Variants in NCAM1 observed in about 807,000 individuals in gnomAD.
NCAM1 encodes neural cell adhesion molecule 1, also known as antigen recognized by monoclonal antibody 5.1H11.
In NCAM1, 14 loss-of-function variants were observed where a neutral mutation model predicts 109.8. The observed-to-expected ratio is 0.13, with a 90% CI of 0.08 to 0.20. NCAM1 has a LOEUF of 0.20. Ranked by LOEUF, NCAM1 falls within the 10% of genes least tolerant of loss-of-function variation. The probability of loss-of-function intolerance (pLI) is 1.00; values close to 1 mark genes in which losing one functional copy is unlikely to be tolerated. For missense variants in NCAM1, 774 were observed against 1,109.9 expected (o/e 0.70, Z 4.30); for synonymous variants, 418 against 442.9 (o/e 0.94, Z 0.70).
rs782187586 is a variant in NCAM1, at chr11:113,271,802, G to A, written c.2382G>A (p.Glu794=). The A allele has an allele frequency of 6.4e-6, 10 of 1,569,008 alleles. No homozygotes were observed. In the East Asian group the frequency reaches 1.9e-4, roughly 30 times the overall value. Reference sequence around the variant, plus strand: ...AGCCCATCGTGGAGGTTCGAACGGAGGAGGAGAGGACCCCAAACCATGATG... The same window carrying A: ...AGCCCATCGTGGAGGTTCGAACGGAAGAGGAGAGGACCCCAAACCATGATG... ...SKEPIVEVRT[E]EERTPNHDGG... The change falls in exon 19 of 20, where the codon GAG becomes GAA. Residue 794 remains glutamate, a synonymous_variant. Transcript: ENST00000316851.
chr11:113,029,517 G>T (rs782715254), intron 1 of NCAM1, among the ~76,000 whole-genome samples: 1 of 152,138 alleles, frequency 6.6e-6, no homozygotes, highest in African/African-American at 2.4e-5. Flanking sequence ...ATTTTAGAAC[G>T]CAGTGGGGTT....
At chr11:113,029,797 G>A (rs782618911) in intron 1 of NCAM1, among the ~76,000 whole-genome samples, 29 of 152,092 alleles carry the variant, frequency 1.9e-4, no homozygotes, top group Admixed American at 4.6e-4. Flanking sequence ...AAATAATACT[G>A]TGATTAAAAA....
At chr11:113,001,867 G>T (rs971031034) in intron 1 of NCAM1, among the ~76,000 whole-genome samples, 14 of 152,232 alleles carry the variant, frequency 9.2e-5, no homozygotes, top group Non-Finnish European at 1.5e-4. Flanking sequence ...GTGGATAGAT[G>T]ATGTCATCAG....
At chr11:112,987,796 A>G (rs1951346506) in intron 1 of NCAM1, among the ~76,000 whole-genome samples, 1 of 152,038 alleles carries the variant, frequency 6.6e-6, no homozygotes, top group Non-Finnish European at 1.5e-5. Context: ...TTCTGAAGTG[A>G]GTCTCTTATA....
chr11:113,149,566 T>A (rs998874859), intron 1 of NCAM1, among the ~76,000 whole-genome samples: 2 of 151,840 alleles, frequency 1.3e-5, no homozygotes, highest in African/African-American at 4.8e-5. Flanking sequence ...GTGCCAGTGA[T>A]GAGAAGTCCT....
intron 1 of NCAM1, among the ~76,000 whole-genome samples, chr11:113,185,084 A>ATATATAT (rs1565485449): frequency 2.3e-5 from 3 of 130,396 alleles, no homozygotes; most frequent in African/African-American, 8.4e-5. Context: ...ATATATAGAG[A>ATATATAT]GAGAGAGAGA....
Position 113,136,191 on chromosome 11 carries a change from TG to T in NCAM1, c.53-66185del, listed in dbSNP as rs533246532. 2.3e-4 allele frequency among the ~76,000 whole-genome samples: 35 copies of T among 152,276 alleles called. No homozygotes were observed. In the South Asian group the frequency reaches 5.4e-3, roughly 23 times the overall value. On this transcript the variant is annotated intron_variant, in intron 1 of 19. Transcript: ENST00000316851. ...TAATACATAGCATGAGTGGCAAGAATGGGACTGCTGAGAAAGGAGACAGTTT... is the reference window on the plus strand; with the variant it reads ...TAATACATAGCATGAGTGGCAAGAATGGACTGCTGAGAAAGGAGACAGTTT...
chr11:112,992,305 C>A (rs781864949), intron 1 of NCAM1, among the ~76,000 whole-genome samples: 8 of 152,082 alleles, frequency 5.3e-5, no homozygotes, highest in Non-Finnish European at 1.2e-4. Flanking sequence ...GAAGAAGAAA[C>A]CACTTTTACA....
intron 17 of NCAM1, among the ~76,000 whole-genome samples, chr11:113,265,826 T>C (rs1946124761): frequency 6.6e-6 from 1 of 152,156 alleles, no homozygotes; most frequent in Non-Finnish European, 1.5e-5. Flanking sequence ...GCACAAGGAC[T>C]CAGGCCCATC....
intron 1 of NCAM1, among the ~76,000 whole-genome samples, chr11:113,135,099 G>T (rs1043357844): frequency 6.6e-6 from 1 of 152,146 alleles, no homozygotes; most frequent in Non-Finnish European, 1.5e-5. Flanking sequence ...AACTGTGTGA[G>T]AATAGTGGAA....
At chr11:113,237,911 T>TAG (rs1185006408) in intron 14 of NCAM1, among the ~76,000 whole-genome samples, 2 of 63,324 alleles carry the variant, frequency 3.2e-5, no homozygotes, top group Non-Finnish European at 7.8e-5. Flanking sequence ...TATAGATATA[T>TAG]ATAGATATAT....
intron 1 of NCAM1, among the ~76,000 whole-genome samples, chr11:113,186,712 C>T (rs17596017): frequency 0.031 from 4,791 of 152,268 alleles, 118 homozygotes; most frequent in Middle Eastern, 0.088. Context: ...TACAAAGGGT[C>T]GCCCTCTATT....
At chr11:113,231,201 T>C in intron 9 of NCAM1, 2 of 1,536,154 alleles carry the variant, frequency 1.3e-6, no homozygotes, top group African/African-American at 1.4e-5. Flanking sequence ...CACAGGTACA[T>C]GCACCATGGA....
At chr11:113,066,524 G>A (rs999924108) in intron 1 of NCAM1, among the ~76,000 whole-genome samples, 22 of 152,106 alleles carry the variant, frequency 1.4e-4, no homozygotes, top group Admixed American at 1.4e-3. Context: ...TCAATTCCTG[G>A]TTTCTGTGCT....
intron 1 of NCAM1, among the ~76,000 whole-genome samples, chr11:113,109,730 G>A (rs1940356411): frequency 6.6e-6 from 1 of 152,182 alleles, no homozygotes; most frequent in Non-Finnish European, 1.5e-5. Context: ...GGAAGAACTT[G>A]ATGAAAAAGT....
At chr11:113,262,575 T>C (rs554085791) in intron 17 of NCAM1, among the ~76,000 whole-genome samples, 3 of 152,366 alleles carry the variant, frequency 2.0e-5, no homozygotes, top group African/African-American at 7.2e-5. Flanking sequence ...GTATTGATAC[T>C]GCACTGAACC....
In NCAM1 at chr11:113,240,922, T is replaced by A. The variant is rs541705807; in HGVS notation, c.1826-5446T>A. On this transcript the variant is annotated intron_variant, in intron 14 of 19. Coordinates refer to ENST00000316851, the MANE Select transcript of NCAM1 (RefSeq NM_181351.5). ...GCCTAATGTTATCTCCTTCACCAGG[T>A]GATAATTCAACTCAGTTGGTGGAAA... 2.3e-6 allele frequency: 3 copies of A among 1,319,522 alleles called. No individual in the cohort carries two copies. In the African/African-American group the frequency reaches 4.3e-5, roughly 19 times the overall value. 81.7% of individuals were successfully genotyped at this position (1,319,522 alleles called of 1,614,324 possible). A position where few individuals can be genotyped will look rare whatever the true frequency, so the allele number is the denominator to read the frequency against.
Position 113,082,643 on chromosome 11 carries a change from A to G in NCAM1, c.53-119736A>G, listed in dbSNP as rs141265969. Among the ~76,000 whole-genome samples the G allele has an allele frequency of 1.1e-4, 16 of 152,368 alleles. No individual in the cohort carries two copies. In the East Asian group the frequency reaches 2.9e-3, roughly 28 times the overall value. The stretch of plus-strand genomic sequence containing the variant: ...AATAAGCAATTCAATGAAACCTTTT[A>G]TAAAAACAACAAAGGCAAGAAGGGT... On this transcript the variant is annotated intron_variant, in intron 1 of 19. Transcript: ENST00000316851.
In NCAM1 at chr11:113,033,187, A is replaced by C. The variant is rs144035414; in HGVS notation, c.52+71523A>C. On this transcript the variant is annotated intron_variant, in intron 1 of 19. Coordinates refer to ENST00000316851, the MANE Select transcript of NCAM1 (RefSeq NM_181351.5). Reference sequence around the variant, plus strand: ...ATTGCAGCTGTGGGGTGAGCTGCGCATCTGAAATAGGCTGTGTTTCATGTG... The same window carrying C: ...ATTGCAGCTGTGGGGTGAGCTGCGCCTCTGAAATAGGCTGTGTTTCATGTG... Among the ~76,000 whole-genome samples, 8 of 152,364 alleles carry C rather than the reference A, an allele frequency of 5.3e-5. No individual in the cohort carries two copies. The East Asian group carries it at 1.2e-3, about 22-fold the overall frequency.
Sources: allele counts gnomAD v4.1 joint callset (sites outside exome capture counted in the v4.1 genomes callset), GRCh38; gene constraint gnomAD v4.1.1; transcripts MANE v1.5; gene names NCBI Gene and HGNC (gene_info 2026-07-23, HGNC 2026-07-21).